Variants in AGAP1 observed in about 807,000 individuals in gnomAD.
The protein encoded by AGAP1 is arf-GAP with GTPase, ANK repeat and PH domain-containing protein 1.
In AGAP1, 29 loss-of-function variants were observed where a neutral mutation model predicts 105.3. The observed-to-expected ratio is 0.28, with a 90% CI of 0.21 to 0.38. AGAP1 has a LOEUF of 0.38. Among genes scored for constraint, AGAP1 ranks in the 10% least tolerant of loss-of-function variants. The probability of loss-of-function intolerance (pLI) is 1.00; values close to 1 mark genes in which losing one functional copy is unlikely to be tolerated. For synonymous variants in AGAP1, 509 were observed against 485.9 expected (o/e 1.05, Z -0.63); for missense variants, 998 against 1,165.1 (o/e 0.86, Z 2.09).
Position 235,621,190 on chromosome 2 carries a change from T to C in AGAP1, c.164-87989T>C, listed in dbSNP as rs1282623318. Among the ~76,000 whole-genome samples, 1 of 152,016 alleles carries C rather than the reference T, an allele frequency of 6.6e-6. No individual in the cohort carries two copies. Among genetic ancestry groups the C allele is most frequent in the African/African-American group, 2.4e-5 (1 of 41,384 alleles). ...GCGCCCGCCACCACACCCGGCTATT[T>C]TTTGTATTTTTAGTACAGATAGGGA... On this transcript the variant is annotated intron_variant, in intron 1 of 17. Coordinates refer to ENST00000304032, the MANE Select transcript of AGAP1 (RefSeq NM_001037131.3). The surrounding 1 kb of genome is among the most constrained non-coding windows in gnomAD (Gnocchi z 4.1).
At chr2:235,884,104 GGT>G (rs2050155461) in intron 10 of AGAP1, among the ~76,000 whole-genome samples, 1 of 152,096 alleles carries the variant, frequency 6.6e-6, no homozygotes, top group South Asian at 2.1e-4. Context: ...TTAAAGTTGG[GGT>G]GTTCTAGTTT....
intron 9 of AGAP1, among the ~76,000 whole-genome samples, chr2:235,846,201 C>T (rs943427175): frequency 1.3e-5 from 2 of 152,112 alleles, no homozygotes; most frequent in Non-Finnish European, 2.9e-5. Flanking sequence ...TCAGAAGTTA[C>T]AGAAGATTTT....
At position 235,665,603 on chromosome 2, in the gene AGAP1, A is replaced by G. The variant is rs985091989; in HGVS notation, c.164-43576A>G. Among the ~76,000 whole-genome samples the G allele has an allele frequency of 2.0e-5, 3 of 152,234 alleles. No homozygotes were observed. Among genetic ancestry groups the G allele is most frequent in the African/African-American group, 7.2e-5 (3 of 41,470 alleles). On this transcript the variant is annotated intron_variant, in intron 1 of 17. Transcript: ENST00000304032. The surrounding 1 kb of genome is among the most constrained non-coding windows in gnomAD (Gnocchi z 5.3). ...TGAGAATTTGAGTCTTATGCTAAAA[A>G]TATAAAAGTATTAATAAGACGTTAC...
At chr2:235,995,082 A>C (rs2055748520) in intron 13 of AGAP1, among the ~76,000 whole-genome samples, 1 of 149,178 alleles carries the variant, frequency 6.7e-6, no homozygotes, top group African/African-American at 2.5e-5. Flanking sequence ...AAAAAAAAAA[A>C]AAAAAAAAAA....
chr2:236,060,922 G>A lies in AGAP1; in HGVS notation c.2114+11641G>A, dbSNP rs116102991. On this transcript the variant is annotated intron_variant, in intron 16 of 17. Coordinates refer to ENST00000304032, the MANE Select transcript of AGAP1 (RefSeq NM_001037131.3). The stretch of plus-strand genomic sequence containing the variant: ...ACAAAAACTTTTAAAAATTAGCTGG[G>A]CACAGTGGGGCACACCTGTAGTCCC... Among the ~76,000 whole-genome samples the A allele has an allele frequency of 6.2e-3, 950 of 152,062 alleles. 8 individuals are homozygous for A. Among genetic ancestry groups the A allele is most frequent in the African/African-American group, 0.022 (911 of 41,492 alleles).
intron 1 of AGAP1, among the ~76,000 whole-genome samples, chr2:235,538,023 G>A (rs933926413): frequency 1.3e-5 from 2 of 152,176 alleles, no homozygotes; most frequent in African/African-American, 2.4e-5. Flanking sequence ...CTGCTAATAT[G>A]CGTGGTAGAG....
At chr2:235,626,233 C>T (rs1946632544) in intron 1 of AGAP1, among the ~76,000 whole-genome samples, 1 of 151,072 alleles carries the variant, frequency 6.6e-6, no homozygotes, top group Admixed American at 6.6e-5. Flanking sequence ...TGGTGCATAC[C>T]TGTAATCCCA....
chr2:235,741,986 C>G lies in AGAP1; in HGVS notation c.396+938C>G, dbSNP rs1952618393. ...GCCAGGATGGTCTCGATCTCCTGACCTCGTGATCCACTCACCTCGGCCTCC... is the reference window on the plus strand; with the variant it reads ...GCCAGGATGGTCTCGATCTCCTGACGTCGTGATCCACTCACCTCGGCCTCC... On this transcript the variant is annotated intron_variant, in intron 4 of 17. Transcript: ENST00000304032. This position sits in a 1 kb window ranked among gnomAD's most constrained non-coding sequence, Gnocchi z 4.9. Among the ~76,000 whole-genome samples the G allele has an allele frequency of 1.3e-5, 2 of 152,226 alleles. No homozygotes were observed. Among genetic ancestry groups the G allele is most frequent in the South Asian group, 4.1e-4 (2 of 4,826 alleles).
At chr2:236,066,548 C>T (rs1156765791) in intron 16 of AGAP1, among the ~76,000 whole-genome samples, 1 of 152,148 alleles carries the variant, frequency 6.6e-6, no homozygotes, top group East Asian at 1.9e-4. Context: ...TTTTGAATAC[C>T]TCATTCTTAA....
chr2:235,882,499 T>A lies in AGAP1; in HGVS notation c.1051-846T>A. On this transcript the variant is annotated intron_variant, in intron 9 of 17. Coordinates refer to ENST00000304032, the MANE Select transcript of AGAP1 (RefSeq NM_001037131.3). This position sits in a 1 kb window ranked among gnomAD's most constrained non-coding sequence, Gnocchi z 4.6. ...ACGTCTGGTTTGTCTGCCATTTTCT[T>A]AAAACAATCGGTACCATCCGTGGCG... The A allele has an allele frequency of 6.7e-7, 1 of 1,501,846 alleles. No homozygotes were observed. The highest frequency in any genetic ancestry group is 9.2e-7 in the Non-Finnish European group (1 of 1,086,180). 93.0% of individuals were successfully genotyped at this position (1,501,846 alleles called of 1,614,324 possible).
At chr2:235,914,866 C>G (rs1309249483) in intron 11 of AGAP1, among the ~76,000 whole-genome samples, 2 of 152,160 alleles carry the variant, frequency 1.3e-5, no homozygotes. Flanking sequence ...ACCAACACCC[C>G]CAGGAGAGCA....
In AGAP1 at chr2:236,101,404, C is replaced by T. The variant is rs1021311597; in HGVS notation, c.2115-18788C>T. 3.3e-5 allele frequency among the ~76,000 whole-genome samples: 5 copies of T among 152,126 alleles called. No individual in the cohort carries two copies. Among genetic ancestry groups the T allele is most frequent in the South Asian group, 2.1e-4 (1 of 4,828 alleles). ...TCTCTGCAGCTTTTTCTGAATGTGT[C>T]GCCGTGTCATAGCCTGCGACCTTCT... On this transcript the variant is annotated intron_variant, in intron 16 of 17. Coordinates refer to ENST00000304032, the MANE Select transcript of AGAP1 (RefSeq NM_001037131.3). This position sits in a 1 kb window ranked among gnomAD's most constrained non-coding sequence, Gnocchi z 4.9.
Position 235,882,247 on chromosome 2 carries a change from A to C in AGAP1, c.1051-1098A>C, listed in dbSNP as rs2050062154. ...ACCCACAGGCCAGTGGCATCGGTGC[A>C]GAGTGCCCAGGTTCACAATGCAGCT... On this transcript the variant is annotated intron_variant, in intron 9 of 17. Coordinates refer to ENST00000304032, the MANE Select transcript of AGAP1 (RefSeq NM_001037131.3). The surrounding 1 kb of genome is among the most constrained non-coding windows in gnomAD (Gnocchi z 4.6). The C allele has an allele frequency of 2.0e-6, 1 of 491,466 alleles. No homozygotes were observed. Among genetic ancestry groups the C allele is most frequent in the Non-Finnish European group, 3.8e-6 (1 of 264,984 alleles). 30.4% of individuals were successfully genotyped at this position (491,466 alleles called of 1,614,324 possible). A position where few individuals can be genotyped will look rare whatever the true frequency, so the allele number is the denominator to read the frequency against.
At chr2:235,730,135 C>T (rs1052866731) in intron 3 of AGAP1, among the ~76,000 whole-genome samples, 1 of 152,104 alleles carries the variant, frequency 6.6e-6, no homozygotes, top group Non-Finnish European at 1.5e-5. Context: ...CTTTTACATA[C>T]TCACTTCCTG....
At chr2:235,560,897 A>G (rs1350818372) in intron 1 of AGAP1, among the ~76,000 whole-genome samples, 4 of 152,190 alleles carry the variant, frequency 2.6e-5, no homozygotes, top group Non-Finnish European at 5.9e-5. Context: ...CACTAGGCCA[A>G]GCGATGCTCC....
At chr2:235,671,027 G>A (rs1191650524) in intron 1 of AGAP1, 5 of 1,301,050 alleles carry the variant, frequency 3.8e-6, no homozygotes, top group South Asian at 4.7e-5. Flanking sequence ...CTCGTCCAGC[G>A]CCGAGAGCAT....
At position 235,865,825 on chromosome 2, in the gene AGAP1, C is replaced by T. The variant is rs894789469; in HGVS notation, c.1051-17520C>T. 2.0e-5 allele frequency among the ~76,000 whole-genome samples: 3 copies of T among 152,158 alleles called. No individual in the cohort carries two copies. Among genetic ancestry groups the T allele is most frequent in the African/African-American group, 7.2e-5 (3 of 41,434 alleles). ...ACATTTTCTAGTCATCTCCTTTTAC[C>T]AAAATTTACCTCCCAGCATCGTGGA... On this transcript the variant is annotated intron_variant, in intron 9 of 17. Transcript: ENST00000304032. The surrounding 1 kb of genome is among the most constrained non-coding windows in gnomAD (Gnocchi z 6.2).
rs868754280 is a variant in AGAP1 at position 235,601,351 on chromosome 2, C to G, written c.163+106502C>G. ...CTGTCTCTTCCTCTTGTTATAAGAACACCAGTTGTATTAGTCTGTTGTCGT... is the reference window on the plus strand; with the variant it reads ...CTGTCTCTTCCTCTTGTTATAAGAAGACCAGTTGTATTAGTCTGTTGTCGT... On this transcript the variant is annotated intron_variant, in intron 1 of 17. Transcript: ENST00000304032. The surrounding 1 kb of genome is among the most constrained non-coding windows in gnomAD (Gnocchi z 4.4). 1.8e-4 allele frequency among the ~76,000 whole-genome samples: 27 copies of G among 152,224 alleles called. No homozygotes were observed. The highest frequency in any genetic ancestry group is 1.7e-3 in the South Asian group (8 of 4,824).
rs2125306458 is a variant in AGAP1, at chr2:235,959,850, C to T, written c.1484-8612C>T. ...CCGCTCCTGCCAAACCTGCTCCCAC[C>T]CGCCCCAGCCCAGAGCATGTGGCTT... On this transcript the variant is annotated intron_variant, in intron 12 of 17. Coordinates refer to ENST00000304032, the MANE Select transcript of AGAP1 (RefSeq NM_001037131.3). This position sits in a 1 kb window ranked among gnomAD's most constrained non-coding sequence, Gnocchi z 7.3. Among the ~76,000 whole-genome samples, 1 of 152,288 alleles carries T rather than the reference C, an allele frequency of 6.6e-6. No individual in the cohort carries two copies. The highest frequency in any genetic ancestry group is 3.4e-3 in the Middle Eastern group (1 of 294).
Sources: gnomAD v4.1 joint callset for allele counts (sites outside exome capture counted in the v4.1 genomes callset) on GRCh38, gnomAD v4.1.1 for gene constraint, Gnocchi (gnomAD v3.1) non-coding constraint, MANE v1.5 for transcripts, NCBI Gene and HGNC (gene_info 2026-07-23, HGNC 2026-07-21) for gene names.